The following DLGAP2 variants were observed in gnomAD, a reference collection of about 807,000 sequenced individuals.
DLGAP2 encodes disks large-associated protein 2.
Under a neutral mutation model 100.3 loss-of-function variants are expected in DLGAP2, and 26 were observed. The ratio of observed to expected loss-of-function variants is 0.26; its 90% CI spans 0.19 to 0.36. The LOEUF is 0.36. Among genes scored for constraint, DLGAP2 ranks in the 10% least tolerant of loss-of-function variants. The pLI is 1.00. For synonymous variants in DLGAP2, 886 were observed against 630.1 expected (o/e 1.41, Z -6.08); for missense variants, 1,858 against 1,453.2 (o/e 1.28, Z -4.53).
At chr8:1,559,541 G>A (rs1273702625) in intron 5 of DLGAP2, among the ~76,000 whole-genome samples, 4 of 152,152 alleles carry the variant, frequency 2.6e-5, no homozygotes, top group African/African-American at 4.8e-5. Context: ...CAAAGCCTGC[G>A]AAATTGGCTT....
chr8:1,645,541 T>C (rs1300604845), intron 8 of DLGAP2, among the ~76,000 whole-genome samples: 2 of 152,214 alleles, frequency 1.3e-5, no homozygotes, highest in African/African-American at 4.8e-5. Flanking sequence ...CATCTGTATA[T>C]TTATTTTTTC....
intron 2 of DLGAP2, among the ~76,000 whole-genome samples, chr8:1,249,110 A>C (rs1411425070): frequency 6.6e-6 from 1 of 152,184 alleles, no homozygotes; most frequent in Admixed American, 6.6e-5. Context: ...AGTGTCCTGC[A>C]TGCTGTCCCT....
At chr8:1,365,418 G>C (rs1250665355) in intron 3 of DLGAP2, among the ~76,000 whole-genome samples, 1 of 152,192 alleles carries the variant, frequency 6.6e-6, no homozygotes, top group Non-Finnish European at 1.5e-5. Flanking sequence ...TCCAACCGTG[G>C]AGGGGGAAGG....
chr8:1,363,374 G>A (rs1055214917), intron 3 of DLGAP2, among the ~76,000 whole-genome samples: 5 of 152,158 alleles, frequency 3.3e-5, no homozygotes, highest in South Asian at 2.1e-4. Flanking sequence ...TCCCACGTCC[G>A]TGGCACACCT....
At chr8:1,363,125 A>G (rs977907375) in intron 3 of DLGAP2, among the ~76,000 whole-genome samples, 3 of 152,244 alleles carry the variant, frequency 2.0e-5, no homozygotes, top group African/African-American at 7.2e-5. Flanking sequence ...ATAAAAAGAA[A>G]ATACCATGTG....
chr8:1,671,714 G>A (rs900633919), intron 10 of DLGAP2, among the ~76,000 whole-genome samples: 1 of 152,244 alleles, frequency 6.6e-6, no homozygotes, highest in Non-Finnish European at 1.5e-5. Context: ...TCCCTGCCCA[G>A]CTTAGAGCAG....
intron 2 of DLGAP2, among the ~76,000 whole-genome samples, chr8:1,093,625 C>T (rs912388830): frequency 7.0e-4 from 105 of 150,732 alleles, no homozygotes; most frequent in African/African-American, 2.3e-3. Flanking sequence ...ACACCGACAG[C>T]CAGACAGAAA....
chr8:951,297 G>A (rs187712105), intron 2 of DLGAP2, among the ~76,000 whole-genome samples: 2 of 152,346 alleles, frequency 1.3e-5, no homozygotes, highest in African/African-American at 2.4e-5. Context: ...CCTGGCTGGA[G>A]TGCAGTGGTG....
At chr8:1,000,606 G>A (rs1037901493) in intron 2 of DLGAP2, among the ~76,000 whole-genome samples, 2 of 152,180 alleles carry the variant, frequency 1.3e-5, no homozygotes, top group Non-Finnish European at 2.9e-5. Context: ...TTCCATTTAC[G>A]GATGCATTTT....
intron 2 of DLGAP2, among the ~76,000 whole-genome samples, chr8:973,816 G>A (rs763236040): frequency 7.3e-5 from 11 of 151,250 alleles, no homozygotes; most frequent in South Asian, 4.1e-4. Flanking sequence ...TCGGGCCCGT[G>A]GCCCCGCGGC....
intron 2 of DLGAP2, among the ~76,000 whole-genome samples, chr8:988,977 C>G (rs572108314): frequency 6.6e-6 from 1 of 152,306 alleles, no homozygotes; most frequent in South Asian, 2.1e-4. Context: ...GTCACCTCCT[C>G]TCCGTCGCTG....
At chr8:892,483 G>A (rs1584867975) in intron 1 of DLGAP2, among the ~76,000 whole-genome samples, 1 of 152,202 alleles carries the variant, frequency 6.6e-6, no homozygotes, top group African/African-American at 2.4e-5. Flanking sequence ...CTCATACAAT[G>A]CCCCTGGGGC....
intron 2 of DLGAP2, among the ~76,000 whole-genome samples, chr8:916,581 C>T (rs1041089543): frequency 2.0e-5 from 3 of 152,108 alleles, no homozygotes; most frequent in African/African-American, 7.2e-5. Context: ...GGGTGCAGCA[C>T]ACCAACATGG....
chr8:862,941 C>T (rs1797420666), intron 1 of DLGAP2, among the ~76,000 whole-genome samples: 1 of 152,202 alleles, frequency 6.6e-6, no homozygotes, highest in Non-Finnish European at 1.5e-5. Flanking sequence ...TCCACTGCCA[C>T]AGAGGATATG....
In DLGAP2 at chr8:1,423,348, G is replaced by C. The variant is rs373881908; in HGVS notation, c.107-78018G>C. Among the ~76,000 whole-genome samples, 59 of 152,268 alleles carry C rather than the reference G, an allele frequency of 3.9e-4. No individual in the cohort carries two copies. The South Asian group carries it at 0.011, about 29-fold the overall frequency. ...CACCCGGGCAGCTCAGGTGGAGGCA[G>C]ATCCCAGGACCACCCCAGGTTCTGT... is the stretch of plus-strand genomic sequence containing the variant. On this transcript the variant is annotated intron_variant, in intron 3 of 14. Coordinates refer to ENST00000637795, the MANE Select transcript of DLGAP2 (RefSeq NM_001346810.2).
chr8:880,703 C>T (rs1022230897), intron 1 of DLGAP2, among the ~76,000 whole-genome samples: 3 of 152,154 alleles, frequency 2.0e-5, no homozygotes, highest in African/African-American at 7.2e-5. Context: ...GTCCCCTCTC[C>T]AGCCCTTGAC....
chr8:1,158,132 T>C (rs1351410018), intron 2 of DLGAP2, among the ~76,000 whole-genome samples: 1 of 152,258 alleles, frequency 6.6e-6, no homozygotes, highest in East Asian at 1.9e-4. Context: ...GCTTCGTATT[T>C]ACAGCTATTA....
chr8:1,637,992 C>T (rs993531964), intron 8 of DLGAP2, among the ~76,000 whole-genome samples: 11 of 152,186 alleles, frequency 7.2e-5, no homozygotes, highest in African/African-American at 2.4e-4. Flanking sequence ...ACAAACGTCC[C>T]GAAAACCGCT....
At chr8:1,407,857 A>C (rs1229556038) in intron 3 of DLGAP2, among the ~76,000 whole-genome samples, 1 of 152,058 alleles carries the variant, frequency 6.6e-6, no homozygotes, top group South Asian at 2.1e-4. Flanking sequence ...TCGTGTATTG[A>C]GTGCTTACTG....
Sources: gnomAD v4.1 joint callset for allele counts (sites outside exome capture counted in the v4.1 genomes callset) on GRCh38, gnomAD v4.1.1 for gene constraint, MANE v1.5 for transcripts, NCBI Gene and HGNC (gene_info 2026-07-23, HGNC 2026-07-21) for gene names.